The following RORB variants were observed in gnomAD, a reference collection of about 807,000 sequenced individuals.
RORB encodes the protein RAR related orphan receptor B.
Under a neutral mutation model 59.1 loss-of-function variants are expected in RORB, and 6 were observed. The ratio of observed to expected loss-of-function variants is 0.10; its 90% CI spans 0.06 to 0.20. The LOEUF is 0.20. Among genes scored for constraint, RORB ranks in the 10% least tolerant of loss-of-function variants. RORB has a pLI of 1.00. For missense variants in RORB, 320 were observed against 560.5 expected, an observed-to-expected ratio of 0.57 and a Z score of 4.33; for synonymous variants, 215 against 204.5, an observed-to-expected ratio of 1.05 and a Z score of -0.44.
At chr9:74,679,184 C>T (rs969660130) in intron 9 of RORB, among the ~76,000 whole-genome samples, 8 of 152,086 alleles carry the variant, frequency 5.3e-5, no homozygotes, top group Non-Finnish European at 1.0e-4. Context: ...CTAATCAGCA[C>T]TTGAGGAGCC....
Position 74,533,299 on chromosome 9 carries a change from T to C in RORB, c.7+35316T>C, listed in dbSNP as rs1213942602. Among the ~76,000 whole-genome samples the C allele has an allele frequency of 2.0e-5, 3 of 152,180 alleles. No homozygotes were observed. The East Asian group carries it at 5.8e-4, about 30-fold the overall frequency. On this transcript the variant is annotated intron_variant, in intron 1 of 9. Coordinates refer to ENST00000376896, the MANE Select transcript of RORB (RefSeq NM_006914.4). Reference sequence around the variant, plus strand: ...TTTCCTGGGGCTTTCCTCATATTTATGCAAAATTTTGCAGGACTTTATAGT... The same window carrying C: ...TTTCCTGGGGCTTTCCTCATATTTACGCAAAATTTTGCAGGACTTTATAGT...
At chr9:74,638,301 C>T (rs1823738319) in intron 3 of RORB, among the ~76,000 whole-genome samples, 1 of 152,196 alleles carries the variant, frequency 6.6e-6, no homozygotes. Context: ...ATATCCAAAA[C>T]TTCTATTCCA....
chr9:74,509,537 T>C (rs544942286), intron 1 of RORB, among the ~76,000 whole-genome samples: 1 of 152,136 alleles, frequency 6.6e-6, no homozygotes, highest in Admixed American at 6.6e-5. Flanking sequence ...TAGTTTGTGA[T>C]GTGAATGCAC....
At chr9:74,656,945 C>T (rs1305353449) in intron 4 of RORB, among the ~76,000 whole-genome samples, 1 of 152,216 alleles carries the variant, frequency 6.6e-6, no homozygotes, top group African/African-American at 2.4e-5. Flanking sequence ...TCATCTCCTC[C>T]ATGCACCCTG....
intron 1 of RORB, among the ~76,000 whole-genome samples, chr9:74,566,708 A>T (rs1415622373): frequency 2.6e-5 from 4 of 152,186 alleles, no homozygotes; most frequent in African/African-American, 9.7e-5. Context: ...GAGGCAAAAG[A>T]ATCACTTGAA....
intron 4 of RORB, among the ~76,000 whole-genome samples, chr9:74,653,809 TCTA>T (rs1824035112): frequency 9.3e-5 from 1 of 10,766 alleles, no homozygotes; most frequent in Admixed American, 1.2e-3. Context: ...GAAATGTCTA[TCTA>T]GTGAGAGGTA....
At chr9:74,498,371 T>G in intron 1 of RORB, 19 of 175,928 alleles carry the variant, frequency 1.1e-4, no homozygotes, top group East Asian at 4.4e-4. Context: ...CGCGCAGTGG[T>G]CGCCGGCCGG....
At chr9:74,579,988 C>T (rs1357829179) in intron 1 of RORB, among the ~76,000 whole-genome samples, 2 of 152,084 alleles carry the variant, frequency 1.3e-5, no homozygotes, top group South Asian at 2.1e-4. Flanking sequence ...TAACTTTTTA[C>T]AGTATGTTGT....
intron 5 of RORB, among the ~76,000 whole-genome samples, chr9:74,661,636 C>CTTTTTTTTTTTTTTTTTTTT (rs779927558): frequency 1.3e-5 from 1 of 79,590 alleles, no homozygotes; most frequent in African/African-American, 4.8e-5. Flanking sequence ...TTCTTTTTTC[C>CTTTTTTTTTTTTTTTTTTTT]TTTTTTTTTT....
intron 1 of RORB, among the ~76,000 whole-genome samples, chr9:74,530,460 T>A (rs560150235): frequency 2.0e-5 from 3 of 152,032 alleles, no homozygotes; most frequent in African/African-American, 7.2e-5. Flanking sequence ...GAAAATTTGG[T>A]CTTTCTTGTC....
chr9:74,647,475 T>A (rs1302102777), intron 4 of RORB, among the ~76,000 whole-genome samples: 3 of 152,238 alleles, frequency 2.0e-5, no homozygotes, highest in African/African-American at 7.2e-5. Context: ...GCTAAGGGTG[T>A]ACATTGCCTT....
intron 1 of RORB, among the ~76,000 whole-genome samples, chr9:74,522,710 C>T (rs968562666): frequency 4.6e-5 from 7 of 151,734 alleles, no homozygotes; most frequent in Non-Finnish European, 8.8e-5. Context: ...AAGAGGACAA[C>T]GTAAATCAGA....
chr9:74,528,955 A>G (rs947108231), intron 1 of RORB, among the ~76,000 whole-genome samples: 4 of 152,070 alleles, frequency 2.6e-5, no homozygotes, highest in African/African-American at 9.7e-5. Flanking sequence ...CTAAGATTTC[A>G]GACCAGCAGG....
chr9:74,663,323 T>G (rs1277130279), intron 6 of RORB, among the ~76,000 whole-genome samples: 3 of 152,212 alleles, frequency 2.0e-5, no homozygotes, highest in Non-Finnish European at 4.4e-5. Context: ...TATGTTTCCC[T>G]ATGACATCTC....
chr9:74,626,706 T>G (rs888871505), intron 1 of RORB, among the ~76,000 whole-genome samples: 1 of 152,238 alleles, frequency 6.6e-6, no homozygotes, highest in African/African-American at 2.4e-5. Flanking sequence ...GAAACCGTAG[T>G]CAACAGCATG....
At chr9:74,593,752 A>G (rs1822934590) in intron 1 of RORB, among the ~76,000 whole-genome samples, 1 of 152,224 alleles carries the variant, frequency 6.6e-6, no homozygotes, top group Non-Finnish European at 1.5e-5. Flanking sequence ...TAATCCAGCC[A>G]GAAGAGCAAT....
intron 4 of RORB, among the ~76,000 whole-genome samples, chr9:74,648,484 G>A (rs765023742): frequency 2.0e-5 from 3 of 152,138 alleles, no homozygotes; most frequent in African/African-American, 4.8e-5. Flanking sequence ...TTATAGCCAC[G>A]TCACACAGAT....
intron 1 of RORB, among the ~76,000 whole-genome samples, chr9:74,565,445 C>T (rs979011957): frequency 1.3e-5 from 2 of 152,040 alleles, no homozygotes; most frequent in African/African-American, 4.8e-5. Context: ...TGATGAGTTT[C>T]GTCACTGTTC....
At chr9:74,587,968 C>A (rs1422320615) in intron 1 of RORB, among the ~76,000 whole-genome samples, 1 of 152,134 alleles carries the variant, frequency 6.6e-6, no homozygotes, top group Non-Finnish European at 1.5e-5. Context: ...AAAAATCGTT[C>A]AAATATAAAT....
Sources: allele counts gnomAD v4.1 joint callset (sites outside exome capture counted in the v4.1 genomes callset), GRCh38; gene constraint gnomAD v4.1.1; transcripts MANE v1.5; gene names NCBI Gene and HGNC (gene_info 2026-07-23, HGNC 2026-07-21).